Variants in VPS13A observed in about 807,000 individuals in gnomAD.
The protein encoded by VPS13A is vacuolar protein sorting 13 homolog A, also known as intermembrane lipid transfer protein VPS13A.
A neutral mutation model predicts 390.9 loss-of-function variants in VPS13A; 264 were observed. That is an observed-to-expected ratio of 0.68 (90% CI 0.61 to 0.75). The LOEUF is 0.75. VPS13A is among the 30% of genes least tolerant of loss of function. The pLI is 0.00. For missense variants in VPS13A, 3,409 were observed against 3,733.9 expected (o/e 0.91, Z 2.27); for synonymous variants, 1,231 against 1,227.1 (o/e 1.00, Z -0.07).
chr9:77,289,565 C>T (rs773979621), intron 31 of VPS13A, among the ~76,000 whole-genome samples: 2 of 152,144 alleles, frequency 1.3e-5, no homozygotes, highest in Non-Finnish European at 2.9e-5. Flanking sequence ...TTCCAATTCC[C>T]ATTTCCTATC....
chr9:77,330,184 CTTT>C (rs150664115), intron 45 of VPS13A, among the ~76,000 whole-genome samples: 11,725 of 152,126 alleles, frequency 0.077, 566 homozygotes, highest in East Asian at 0.12. Flanking sequence ...CCTGGCTAAT[CTTT>C]TAATATTTTG....
intron 35 of VPS13A, among the ~76,000 whole-genome samples, chr9:77,313,243 G>A (rs1269140748): frequency 6.6e-6 from 1 of 152,172 alleles, no homozygotes; most frequent in Non-Finnish European, 1.5e-5. Flanking sequence ...ATTGAAATTA[G>A]AATGGTAGAG....
chr9:77,320,018 C>G (rs1277993067), intron 42 of VPS13A, among the ~76,000 whole-genome samples: 1 of 152,048 alleles, frequency 6.6e-6, no homozygotes, highest in Non-Finnish European at 1.5e-5. Flanking sequence ...CCAATGTTGC[C>G]TATGCTTCTA....
At position 77,283,411 on chromosome 9, in the gene VPS13A, T is replaced by A. The variant is rs763956585; in HGVS notation, c.3175T>A (p.Ser1059Thr). The A allele has an allele frequency of 4.3e-6, 7 of 1,609,320 alleles. No homozygotes were observed. Among genetic ancestry groups the A allele is most frequent in the Non-Finnish European group, 5.1e-6 (6 of 1,176,200 alleles). ...IITLQILAEL[S>T]CLQIFIQDQK... ...TACTTTGCAGATTTTAGCAGAATTATCGTGTTTACAGATCTTTATTCAAGA... is the reference window on the plus strand; with the variant it reads ...TACTTTGCAGATTTTAGCAGAATTAACGTGTTTACAGATCTTTATTCAAGA... The change falls in exon 30 of 72, where the codon TCG becomes ACG. Residue 1059 changes from serine (S) to threonine (T), a missense_variant. Transcript: ENST00000360280.
In VPS13A at chr9:77,404,575, T is replaced by G. The variant is rs183925180; in HGVS notation, c.9275+1254T>G. ...TAAAGGAAAGGTAACTAATCAGCAT[T>G]AAGCAAAATCAGTTGCAAAGTTTGG... On this transcript the variant is annotated intron_variant, in intron 69 of 71. Coordinates refer to ENST00000360280, the MANE Select transcript of VPS13A (RefSeq NM_033305.3). 2.0e-5 allele frequency among the ~76,000 whole-genome samples: 3 copies of G among 152,354 alleles called. No individual in the cohort carries two copies. The East Asian group carries it at 5.8e-4, about 29-fold the overall frequency.
intron 1 of VPS13A, among the ~76,000 whole-genome samples, chr9:77,180,494 T>C (rs530487091): frequency 6.6e-6 from 1 of 152,368 alleles, no homozygotes; most frequent in South Asian, 2.1e-4. Context: ...TGGCTTTTGG[T>C]ATTCATATCT....
chr9:77,340,413 A>G lies in VPS13A; in HGVS notation c.6889A>G (p.Thr2297Ala). The stretch of plus-strand genomic sequence containing the variant: ...AATTTTTTTTTCTTAGGTTGGTGTC[A>G]CTATAGACCTGAGCAGTTTTAACAT... Reference protein sequence around the residue: ...GLKMDYQVGVTIDLSSFNITR... With the variant: ...GLKMDYQVGVAIDLSSFNITR... The change falls in exon 50 of 72, where the codon ACT becomes GCT. Residue 2297 changes from threonine (T) to alanine (A), a missense_variant. Physicochemically the swap from Thr to Ala is moderately conservative, Grantham distance 58. Transcript: ENST00000360280. The G allele has an allele frequency of 6.2e-7, 1 of 1,613,184 alleles. No homozygotes were observed. Among genetic ancestry groups the G allele is most frequent in the Non-Finnish European group, 8.5e-7 (1 of 1,179,582 alleles).
intron 57 of VPS13A, among the ~76,000 whole-genome samples, chr9:77,358,897 T>C (rs1015416314): frequency 3.3e-5 from 5 of 152,092 alleles, no homozygotes; most frequent in African/African-American, 1.2e-4. Flanking sequence ...CCCTCCTCAC[T>C]ACCCTACTTA....
At chr9:77,345,501 A>T (rs2131525042) in intron 52 of VPS13A, among the ~76,000 whole-genome samples, 1 of 151,254 alleles carries the variant, frequency 6.6e-6, no homozygotes, top group East Asian at 1.9e-4. Context: ...AAAATTTCAG[A>T]TTTTTTTTTC....
intron 16 of VPS13A, 127 bp downstream of exon 16, chr9:77,227,612 C>T (rs939308078): frequency 1.1e-5 from 8 of 715,128 alleles, no homozygotes; most frequent in Non-Finnish European, 1.9e-5. Flanking sequence ...CTTAACCTGG[C>T]CTCAAGCAAT....
At chr9:77,311,528 A>T (rs545697203) in intron 35 of VPS13A, among the ~76,000 whole-genome samples, 1 of 152,304 alleles carries the variant, frequency 6.6e-6, no homozygotes, top group East Asian at 1.9e-4. Flanking sequence ...CACAAAGAAG[A>T]TGCAACAATC....
intron 71 of VPS13A, among the ~76,000 whole-genome samples, chr9:77,413,672 T>C (rs1438209979): frequency 2.0e-5 from 3 of 152,160 alleles, no homozygotes; most frequent in Non-Finnish European, 2.9e-5. Context: ...ATTCAGGACA[T>C]AGGCATGGGC....
At chr9:77,186,575 C>G (rs1824352403) in intron 1 of VPS13A, among the ~76,000 whole-genome samples, 2 of 152,016 alleles carry the variant, frequency 1.3e-5, no homozygotes, top group Admixed American at 1.3e-4. Flanking sequence ...GTAGCTGGGA[C>G]TACAGATGCA....
At chr9:77,372,096 A>G (rs1180850382) in intron 67 of VPS13A, among the ~76,000 whole-genome samples, 5 of 150,752 alleles carry the variant, frequency 3.3e-5, no homozygotes, top group Non-Finnish European at 7.4e-5. Flanking sequence ...ATTGTGAATA[A>G]TGCCGCAATA....
chr9:77,360,593 T>C lies in VPS13A; in HGVS notation c.8163T>C (p.Tyr2721=). ...TCAGGTTAGATCTTGGGTTTATCTA[T>C]GCTTTAACAGACCTTATGACAGAAG... ...MDLRLDLGFI[Y]ALTDLMTEAE... is the part of the protein sequence containing the mutation. Residue 2721 remains tyrosine, a synonymous_variant, in exon 59 of 72, where the codon TAT becomes TAC. Transcript: ENST00000360280. 1.2e-6 allele frequency: 2 copies of C among 1,613,222 alleles called. No homozygotes were observed. The highest frequency in any genetic ancestry group is 8.5e-7 in the Non-Finnish European group (1 of 1,179,460).
At chr9:77,340,046 A>G in intron 48 of VPS13A, 132 bp from the exon 49 acceptor site, 1 of 1,349,036 alleles carries the variant, frequency 7.4e-7, no homozygotes, top group Admixed American at 2.0e-5. Flanking sequence ...AAAAGATTAG[A>G]ATTTAATATT....
chr9:77,306,042 C>A (rs1828719611), intron 34 of VPS13A, among the ~76,000 whole-genome samples: 1 of 151,058 alleles, frequency 6.6e-6, no homozygotes, highest in East Asian at 1.9e-4. Flanking sequence ...TATTTATTTT[C>A]ATCTTATTAT....
chr9:77,400,692 G>A (rs1359233689), intron 68 of VPS13A, among the ~76,000 whole-genome samples: 1 of 151,842 alleles, frequency 6.6e-6, no homozygotes, highest in Non-Finnish European at 1.5e-5. Flanking sequence ...GCCGGGCGTG[G>A]TGATGGGTGC....
intron 17 of VPS13A, among the ~76,000 whole-genome samples, chr9:77,232,530 T>G (rs1350120161): frequency 6.6e-6 from 1 of 152,188 alleles, no homozygotes; most frequent in Non-Finnish European, 1.5e-5. Flanking sequence ...CTTGTATTAG[T>G]CTGTTCTTAT....
Sources: allele counts gnomAD v4.1 joint callset (sites outside exome capture counted in the v4.1 genomes callset), GRCh38; gene constraint gnomAD v4.1.1; transcripts MANE v1.5; gene names NCBI Gene and HGNC (gene_info 2026-07-23, HGNC 2026-07-21).